The following TRPM8 variants were observed in gnomAD, a reference collection of about 807,000 sequenced individuals.
TRPM8 encodes the protein transient receptor potential cation channel subfamily M member 8, also known as TRPM8 cationic channel.
A neutral mutation model predicts 133.7 loss-of-function variants in TRPM8; 110 were observed. The observed-to-expected ratio is 0.82, with a 90% CI of 0.70 to 0.96. The LOEUF is 0.96. Ranked by LOEUF, TRPM8 falls within the 40% of genes least tolerant of loss-of-function variation. The probability of loss-of-function intolerance (pLI) is 0.00; values close to 1 mark genes in which losing one functional copy is unlikely to be tolerated. For synonymous variants in TRPM8, 535 were observed against 532.3 expected (o/e 1.01, Z -0.07); for missense variants, 1,291 against 1,379.5 (o/e 0.94, Z 1.02).
chr2:233,973,063 T>C (rs187726835), intron 17 of TRPM8, among the ~76,000 whole-genome samples: 10 of 152,348 alleles, frequency 6.6e-5, no homozygotes, highest in Admixed American at 1.3e-4. Context: ...CATGTCAGTG[T>C]TGAACAGCAG....
intron 22 of TRPM8, among the ~76,000 whole-genome samples, chr2:234,005,465 A>G (rs1036439482): frequency 1.3e-5 from 2 of 151,988 alleles, no homozygotes; most frequent in Admixed American, 6.6e-5. Flanking sequence ...ATTTTTAAGC[A>G]CTCCTGTTGG....
chr2:233,935,355 G>T (rs1691769999), intron 3 of TRPM8, among the ~76,000 whole-genome samples: 1 of 152,166 alleles, frequency 6.6e-6, no homozygotes, highest in Non-Finnish European at 1.5e-5. Flanking sequence ...GGGGTGAGTG[G>T]GGCTGAATCT....
rs140382067 is a variant in TRPM8, at chr2:233,945,976, G to A, written c.820G>A (p.Glu274Lys). ...TGGCTGTCATGGACATCCCACTGTC[G>A]AAGCAAAGCTCCGGAATCAGCTAGA... ...DNGCHGHPTV[E>K]AKLRNQLEKY... Residue 274 changes from glutamate to lysine, a missense_variant, in exon 7 of 26, where the codon GAA (glutamate) becomes AAA (lysine). Physicochemically the swap from Glu to Lys is moderately conservative, Grantham distance 56. Around this residue, in one of 2 missense-constraint regions of TRPM8, gnomAD observed 963 missense variants for 968.9 expected, o/e 0.99. Transcript: ENST00000324695. The A allele has an allele frequency of 1.2e-5, 19 of 1,613,908 alleles. No homozygotes were observed. The African/African-American group carries it at 1.6e-4, about 14-fold the overall frequency.
At position 234,008,051 on chromosome 2, in the gene TRPM8, T is replaced by C. The variant is rs966892021; in HGVS notation, c.3231-19T>C. ...TGTTTTTCTCTTGTTCACTTTCTTT[T>C]TCATTAACTTCTTTGCAGAATGAGG... On this transcript the variant is annotated intron_variant, in intron 23 of 25. Transcript: ENST00000324695. The C allele has an allele frequency of 6.2e-7, 1 of 1,608,786 alleles. No homozygotes were observed. The highest frequency in any genetic ancestry group is 8.5e-7 in the Non-Finnish European group (1 of 1,178,668).
intron 1 of TRPM8, among the ~76,000 whole-genome samples, chr2:233,925,117 G>T (rs960992623): frequency 3.9e-5 from 6 of 152,198 alleles, no homozygotes; most frequent in African/African-American, 7.2e-5. Flanking sequence ...GGTCTGCTCT[G>T]TGTCTTAGAC....
chr2:233,962,163 A>C (rs1294225961), intron 12 of TRPM8, among the ~76,000 whole-genome samples: 1 of 152,206 alleles, frequency 6.6e-6, no homozygotes, highest in Non-Finnish European at 1.5e-5. Context: ...TTCACTTGAG[A>C]CAATTTTGTG....
intron 8 of TRPM8, among the ~76,000 whole-genome samples, chr2:233,948,868 A>G (rs915119858): frequency 1.3e-5 from 2 of 152,174 alleles, no homozygotes; most frequent in East Asian, 3.9e-4. Flanking sequence ...CCCTGTCTCT[A>G]CTAAAAAATA....
chr2:233,923,231 T>C (rs369281573), intron 1 of TRPM8, among the ~76,000 whole-genome samples: 2 of 152,358 alleles, frequency 1.3e-5, no homozygotes, highest in East Asian at 3.9e-4. Context: ...CTATTAATTT[T>C]GCTTGGCAGC....
In TRPM8 at chr2:233,977,730, G is replaced by A. The variant is rs146187454; in HGVS notation, c.2356-2458G>A. Among the ~76,000 whole-genome samples, 321 of 152,334 alleles carry A rather than the reference G, an allele frequency of 2.1e-3. 1 individual carries two copies. The highest frequency in any genetic ancestry group is 7.2e-3 in the African/African-American group (301 of 41,578). On this transcript the variant is annotated intron_variant, in intron 17 of 25. Transcript: ENST00000324695. ...TTGAACTGAGTGAATAGGGTGACAA[G>A]AATGTTGACAATACATTAGCAGATC...
chr2:233,932,087 G>A (rs918281988), intron 3 of TRPM8, among the ~76,000 whole-genome samples: 25 of 152,306 alleles, frequency 1.6e-4, no homozygotes, highest in African/African-American at 5.8e-4. Context: ...TCCTCAACAC[G>A]TTCTCAGTTA....
chr2:233,982,411 G>A (rs728671), intron 19 of TRPM8, among the ~76,000 whole-genome samples: 23,554 of 152,140 alleles, frequency 0.15, 2,024 homozygotes, highest in East Asian at 0.42. Context: ...CATGGATGGT[G>A]TTGCTTTCCT....
intron 17 of TRPM8, among the ~76,000 whole-genome samples, chr2:233,972,057 C>T (rs1691738370): frequency 6.6e-6 from 1 of 152,202 alleles, no homozygotes; most frequent in Non-Finnish European, 1.5e-5. Flanking sequence ...TCCAAGGCCC[C>T]ACCAGAGTAG....
At chr2:233,973,916 G>C (rs958059351) in intron 17 of TRPM8, among the ~76,000 whole-genome samples, 1 of 152,212 alleles carries the variant, frequency 6.6e-6, no homozygotes, top group Non-Finnish European at 1.5e-5. Flanking sequence ...CTCACTCTGG[G>C]TGAGGCCCTG....
intron 15 of TRPM8, 49 bp from the exon 16 acceptor site, chr2:233,969,646 T>C (rs1348525635): frequency 8.7e-7 from 1 of 1,149,142 alleles, no homozygotes; most frequent in Non-Finnish European, 1.3e-6. Context: ...GCATCCTGCA[T>C]ACAATTGTGT....
At chr2:233,981,998 T>G (rs1419983035) in intron 19 of TRPM8, 83 bp downstream of exon 19, 1 of 1,398,126 alleles carries the variant, frequency 7.2e-7, no homozygotes, top group African/African-American at 1.5e-5. Flanking sequence ...GATTTTGTCC[T>G]TAGAACGACT....
At chr2:233,933,368 A>G (rs1043309228) in intron 3 of TRPM8, among the ~76,000 whole-genome samples, 3 of 152,242 alleles carry the variant, frequency 2.0e-5, no homozygotes, top group African/African-American at 7.2e-5. Flanking sequence ...TAACTTAAAT[A>G]TAAAATTAAA....
chr2:233,941,274 G>A (rs1315146855), intron 5 of TRPM8, among the ~76,000 whole-genome samples: 2 of 152,198 alleles, frequency 1.3e-5, no homozygotes, highest in East Asian at 3.8e-4. Flanking sequence ...GCAATTAAAA[G>A]CAAGCAAGGC....
Position 233,942,757 on chromosome 2 carries a change from G to T in TRPM8, c.699+9G>T. ...GGAATTGCGATGCTGAGGTACCGGT[G>T]GGACAGGAGGAGGTCTGCTAGGTCA... On this transcript the variant is annotated intron_variant, in intron 6 of 25. Coordinates refer to ENST00000324695, the MANE Select transcript of TRPM8 (RefSeq NM_024080.5). The T allele has an allele frequency of 6.2e-7, 1 of 1,613,876 alleles. No homozygotes were observed.
In TRPM8 at chr2:233,926,621, G is replaced by A. The variant is rs149381224; in HGVS notation, c.84G>A (p.Ala28=). Residue 28 remains alanine, a synonymous_variant, in exon 2 of 26, where the codon GCG becomes GCA. Coordinates refer to ENST00000324695, the MANE Select transcript of TRPM8 (RefSeq NM_024080.5). ...GCACCCGGACCCTGTACTCCAGCGC[G>A]TCTCGGAGCACAGACTTGTCTTACA... ...LDSTRTLYSS[A]SRSTDLSYSE... is the part of the protein sequence containing the mutation. 2.2e-5 allele frequency: 36 copies of A among 1,614,132 alleles called. No homozygotes were observed. The highest frequency in any genetic ancestry group is 1.3e-4 in the East Asian group (6 of 44,884).
Sources: gnomAD v4.1 joint callset for allele counts (sites outside exome capture counted in the v4.1 genomes callset) on GRCh38, gnomAD v4.1.1 for gene constraint, gnomAD v4.1.1 regional missense constraint, MANE v1.5 for transcripts, NCBI Gene and HGNC (gene_info 2026-07-23, HGNC 2026-07-21) for gene names.